The following CRACR2A variants were observed in gnomAD, a reference collection of about 807,000 sequenced individuals.
CRACR2A encodes calcium release activated channel regulator 2A, also known as EF-hand calcium-binding domain-containing protein 4B.
A neutral mutation model predicts 90.5 loss-of-function variants in CRACR2A; 79 were observed. That is an observed-to-expected ratio of 0.87 (90% CI 0.73 to 1.05). The LOEUF is 1.05. Ranked by LOEUF, CRACR2A falls within the 50% of genes least tolerant of loss-of-function variation. The probability of loss-of-function intolerance (pLI) is 0.00; values close to 1 mark genes in which losing one functional copy is unlikely to be tolerated. For synonymous variants in CRACR2A, 338 were observed against 356.7 expected (o/e 0.95, Z 0.59); for missense variants, 823 against 897.2 (o/e 0.92, Z 1.06).
At chr12:3,743,327 G>A (rs1224181586) in intron 1 of CRACR2A, among the ~76,000 whole-genome samples, 1 of 152,156 alleles carries the variant, frequency 6.6e-6, no homozygotes, top group African/African-American at 2.4e-5. Flanking sequence ...TCCTTAAAAC[G>A]AAGTACTATA....
intron 3 of CRACR2A, among the ~76,000 whole-genome samples, chr12:3,705,545 G>A (rs1245208607): frequency 1.3e-5 from 2 of 152,184 alleles, no homozygotes; most frequent in African/African-American, 4.8e-5. Flanking sequence ...AGGCCAAAAA[G>A]CATCTCCAGG....
intron 8 of CRACR2A, among the ~76,000 whole-genome samples, chr12:3,658,709 C>T (rs1178441801): frequency 5.9e-5 from 9 of 152,024 alleles, no homozygotes; most frequent in South Asian, 2.1e-4. Context: ...TGAGAATAGC[C>T]GGGCTTAGTG....
chr12:3,651,907 C>A (rs796544483), intron 10 of CRACR2A, among the ~76,000 whole-genome samples: 22 of 152,318 alleles, frequency 1.4e-4, no homozygotes, highest in African/African-American at 5.3e-4. Flanking sequence ...CGGTCTGCAA[C>A]CCCACTCTAT....
At chr12:3,678,375 C>A (rs73049126) in intron 6 of CRACR2A, among the ~76,000 whole-genome samples, 4,746 of 152,262 alleles carry the variant, frequency 0.031, 105 homozygotes, top group Non-Finnish European at 0.048. Context: ...CCTTGGCTTC[C>A]TGCACAAGCC....
At chr12:3,733,956 T>G (rs1946400000) in intron 1 of CRACR2A, among the ~76,000 whole-genome samples, 1 of 146,214 alleles carries the variant, frequency 6.8e-6, no homozygotes, top group Non-Finnish European at 1.5e-5. Context: ...TTTCCTAGAC[T>G]GGACACATTT....
chr12:3,632,158 C>CCT (rs1944387507), intron 15 of CRACR2A, among the ~76,000 whole-genome samples: 1 of 152,122 alleles, frequency 6.6e-6, no homozygotes, highest in African/African-American at 2.4e-5. Flanking sequence ...CCTCCCCTGT[C>CCT]CTCTCTTCCT....
At chr12:3,634,022 C>T (rs1944418212) in intron 14 of CRACR2A, among the ~76,000 whole-genome samples, 3 of 152,132 alleles carry the variant, frequency 2.0e-5, no homozygotes, top group Non-Finnish European at 2.9e-5. Flanking sequence ...CCCTGGATTC[C>T]AGTGGGGTGG....
intron 4 of CRACR2A, among the ~76,000 whole-genome samples, chr12:3,694,758 T>G (rs540991442): frequency 6.6e-6 from 1 of 152,178 alleles, no homozygotes; most frequent in Admixed American, 6.5e-5. Flanking sequence ...ACACGCTCAG[T>G]TCCCTCTCTT....
chr12:3,639,485 A>G (rs1555107035), intron 13 of CRACR2A, among the ~76,000 whole-genome samples: 1 of 5,450 alleles, frequency 1.8e-4, no homozygotes, highest in South Asian at 6.9e-3. Flanking sequence ...CACGCATGCA[A>G]GCATGCACAC....
At position 3,641,843 on chromosome 12, in the gene CRACR2A, A is replaced by G. The variant is rs374023703; in HGVS notation, c.1165-5T>C. ...TGCCTTGGCTGCCTTATTTTTCTGT[A>G]GAAACACAAAATGTCCTCAGATCCA... On this transcript the variant is annotated splice_polypyrimidine_tract_variant and splice_region_variant and intron_variant, in intron 12 of 19. Transcript: ENST00000440314. 1.7e-5 allele frequency: 27 copies of G among 1,551,578 alleles called. No individual in the cohort carries two copies. The highest frequency in any genetic ancestry group is 7.3e-5 in the East Asian group (3 of 40,924).
chr12:3,734,238 A>G (rs1946411303), intron 1 of CRACR2A, among the ~76,000 whole-genome samples: 1 of 151,060 alleles, frequency 6.6e-6, no homozygotes, highest in Admixed American at 6.6e-5. Context: ...CAGCCTCCCA[A>G]AGTGCTGGGA....
chr12:3,665,558 A>T (rs1453251009), intron 7 of CRACR2A, among the ~76,000 whole-genome samples: 1 of 152,218 alleles, frequency 6.6e-6, no homozygotes, highest in African/African-American at 2.4e-5. Flanking sequence ...GCATTTAACA[A>T]ATTCTAATTA....
At chr12:3,619,494 G>T in intron 17 of CRACR2A, 122 bp from the exon 18 acceptor site, 2 of 746,270 alleles carry the variant, frequency 2.7e-6, no homozygotes, top group South Asian at 3.3e-5. Flanking sequence ...CATAAAAGGT[G>T]AGGCCGTAAC....
chr12:3,618,711 G>A (rs1385443065), intron 18 of CRACR2A, among the ~76,000 whole-genome samples: 2 of 152,180 alleles, frequency 1.3e-5, no homozygotes, highest in Non-Finnish European at 2.9e-5. Context: ...AAGAAGCCAA[G>A]GAACCACATT....
At chr12:3,651,935 T>A (rs375049013) in intron 10 of CRACR2A, among the ~76,000 whole-genome samples, 11 of 152,306 alleles carry the variant, frequency 7.2e-5, no homozygotes, top group African/African-American at 2.6e-4. Context: ...AAGCTAATCC[T>A]CTTGCTGCAC....
intron 1 of CRACR2A, among the ~76,000 whole-genome samples, chr12:3,734,995 A>G (rs1046158096): frequency 1.2e-4 from 19 of 152,162 alleles, no homozygotes; most frequent in Admixed American, 1.2e-3. Context: ...GAAATTTGCT[A>G]AGAGGGTAGA....
At chr12:3,750,282 C>T (rs1049219081) in intron 1 of CRACR2A, among the ~76,000 whole-genome samples, 2 of 152,138 alleles carry the variant, frequency 1.3e-5, no homozygotes, top group African/African-American at 4.8e-5. Flanking sequence ...TGCAAGACAG[C>T]GGCCTCCATG....
chr12:3,673,706 A>G, intron 6 of CRACR2A, 114 bp from the exon 7 acceptor site: 1 of 1,353,436 alleles, frequency 7.4e-7, no homozygotes, highest in Non-Finnish European at 1.0e-6. Flanking sequence ...AATCATTATA[A>G]AGATGACAGT....
intron 1 of CRACR2A, among the ~76,000 whole-genome samples, chr12:3,736,570 G>T (rs1946453851): frequency 6.6e-6 from 1 of 151,848 alleles, no homozygotes; most frequent in Non-Finnish European, 1.5e-5. Context: ...ATATATGAGG[G>T]TTGAAGCTGC....
Sources: gnomAD v4.1 joint callset for allele counts (sites outside exome capture counted in the v4.1 genomes callset) on GRCh38, gnomAD v4.1.1 for gene constraint, MANE v1.5 for transcripts, NCBI Gene and HGNC (gene_info 2026-07-23, HGNC 2026-07-21) for gene names.